The following RDX variants were observed in gnomAD, a reference collection of about 807,000 sequenced individuals.
The protein encoded by RDX is radixin.
Under a neutral mutation model 83.7 loss-of-function variants are expected in RDX, and 32 were observed. The observed-to-expected ratio is 0.38, with a 90% CI of 0.29 to 0.51. The LOEUF (loss-of-function observed/expected upper bound fraction) is 0.51, where lower values mean the gene tolerates loss of function less well. RDX is among the 20% of genes least tolerant of loss of function. The probability of loss-of-function intolerance (pLI) is 0.87; values close to 1 mark genes in which losing one functional copy is unlikely to be tolerated. For missense variants in RDX, 600 were observed against 689.9 expected (o/e 0.87, Z 1.46); for synonymous variants, 229 against 222.7 (o/e 1.03, Z -0.25).
At chr11:110,224,384 T>C (rs1565300569) in intron 14 of RDX, among the ~76,000 whole-genome samples, 1 of 152,176 alleles carries the variant, frequency 6.6e-6, no homozygotes, top group Non-Finnish European at 1.5e-5. Context: ...AATTCAAACA[T>C]ACACAGATAT....
intron 1 of RDX, among the ~76,000 whole-genome samples, chr11:110,293,654 T>C (rs558283569): frequency 5.1e-4 from 78 of 152,288 alleles, no homozygotes; most frequent in African/African-American, 1.9e-3. Context: ...CCAGCTCCAC[T>C]GAATCTTGTA....
At chr11:110,198,576 C>T (rs1187170424) in intron 15 of RDX, among the ~76,000 whole-genome samples, 4 of 152,158 alleles carry the variant, frequency 2.6e-5, no homozygotes, top group African/African-American at 9.7e-5. Context: ...AAGGAGCGAA[C>T]CCTATTGTGA....
chr11:110,278,220 G>C (rs1211459234), intron 2 of RDX, among the ~76,000 whole-genome samples: 2 of 135,336 alleles, frequency 1.5e-5, no homozygotes, highest in African/African-American at 5.7e-5. Context: ...ATCCAGGAGT[G>C]TAAGTTTTCT....
chr11:110,193,375 G>C (rs1441977714), intron 15 of RDX, among the ~76,000 whole-genome samples: 2 of 152,138 alleles, frequency 1.3e-5, no homozygotes, highest in Non-Finnish European at 2.9e-5. Flanking sequence ...AGAGACGGGA[G>C]AGAGGGTTGG....
chr11:110,217,750 AGG>A (rs994811249), intron 14 of RDX, among the ~76,000 whole-genome samples: 1 of 152,158 alleles, frequency 6.6e-6, no homozygotes, highest in Non-Finnish European at 1.5e-5. Context: ...GGCAAGGGGT[AGG>A]GAGATGGTAC....
chr11:110,233,796 T>G (rs1591133567), intron 12 of RDX, among the ~76,000 whole-genome samples: 1 of 152,232 alleles, frequency 6.6e-6, no homozygotes, highest in East Asian at 1.9e-4. Flanking sequence ...GTGCAAATAG[T>G]TGATGAGAAA....
chr11:110,187,263 G>A (rs557882972), intron 15 of RDX, among the ~76,000 whole-genome samples: 9 of 152,128 alleles, frequency 5.9e-5, no homozygotes, highest in Non-Finnish European at 8.8e-5. Context: ...TTGGTGTAGC[G>A]GGGCCCTCTT....
At chr11:110,237,809 G>A in intron 10 of RDX, 157 bp from the exon 11 acceptor site, 3 of 847,066 alleles carry the variant, frequency 3.5e-6, no homozygotes, top group Non-Finnish European at 5.9e-6. Flanking sequence ...TTGAGACAGG[G>A]TCTCGCTCTG....
chr11:110,236,283 TTA>T (rs1197152360), intron 11 of RDX, 92 bp from the exon 12 acceptor site: 3 of 930,330 alleles, frequency 3.2e-6, no homozygotes, highest in East Asian at 2.7e-5. Flanking sequence ...CTTAGGCTGT[TTA>T]TGTTTTTCTT....
At chr11:110,249,546 C>G (rs762378152) in intron 9 of RDX, among the ~76,000 whole-genome samples, 1 of 152,080 alleles carries the variant, frequency 6.6e-6, no homozygotes, top group East Asian at 1.9e-4. Flanking sequence ...TAAAACATAA[C>G]GGGTCACCAC....
chr11:110,293,531 C>T (rs150217265), intron 1 of RDX, among the ~76,000 whole-genome samples: 51 of 152,260 alleles, frequency 3.3e-4, no homozygotes, highest in African/African-American at 1.1e-3. Flanking sequence ...CAAAGCAGTA[C>T]GCACACCCTG....
intron 1 of RDX, among the ~76,000 whole-genome samples, chr11:110,293,990 A>G (rs566208991): frequency 6.6e-6 from 1 of 152,244 alleles, no homozygotes; most frequent in Non-Finnish European, 1.5e-5. Context: ...ATTTCAGACT[A>G]TTATATCAGA....
intron 3 of RDX, among the ~76,000 whole-genome samples, chr11:110,269,162 G>T (rs1860190066): frequency 6.6e-6 from 1 of 151,832 alleles, no homozygotes; most frequent in East Asian, 1.9e-4. Flanking sequence ...ATATTGGACA[G>T]GAAAAGGTAC....
intron 1 of RDX, among the ~76,000 whole-genome samples, chr11:110,288,092 A>G (rs1225443717): frequency 6.6e-6 from 1 of 152,220 alleles, no homozygotes; most frequent in African/African-American, 2.4e-5. Context: ...TAAGGGTGAG[A>G]GGCAGTTTTA....
intron 14 of RDX, among the ~76,000 whole-genome samples, chr11:110,219,299 G>A (rs1024732905): frequency 6.6e-6 from 1 of 152,164 alleles, no homozygotes; most frequent in Non-Finnish European, 1.5e-5. Context: ...CAAGAGAAGA[G>A]GAAATCAGCA....
chr11:110,205,503 T>C (rs1490456309), intron 14 of RDX, among the ~76,000 whole-genome samples: 1 of 146,030 alleles, frequency 6.8e-6, no homozygotes, highest in Non-Finnish European at 1.5e-5. Context: ...GAAATCTCTC[T>C]AAAACATTTA....
At chr11:110,206,856 A>C (rs1591510984) in intron 14 of RDX, among the ~76,000 whole-genome samples, 1 of 152,252 alleles carries the variant, frequency 6.6e-6, no homozygotes, top group South Asian at 2.1e-4. Context: ...TGAGTAAAAG[A>C]AGCAACTGTG....
rs190273164 is a variant in RDX at position 110,295,825 on chromosome 11, C to T, written c.-65+642G>A. On this transcript the variant is annotated intron_variant, in intron 1 of 13. Transcript: ENST00000645495. ...TACAGGGCTCCGAGAGCTGCAACAGCAGCAGGTAGAGCTGCGGCCGGGAAC... is the reference window on the plus strand; with the variant it reads ...TACAGGGCTCCGAGAGCTGCAACAGTAGCAGGTAGAGCTGCGGCCGGGAAC... Among the ~76,000 whole-genome samples the T allele has an allele frequency of 4.4e-3, 673 of 152,330 alleles. 16 individuals carry two copies. The highest frequency in any genetic ancestry group is 0.042 in the Admixed American group (640 of 15,304).
In RDX at chr11:110,230,584, A is replaced by ACACACG. The variant is rs201146451; in HGVS notation, c.*1284_*1285insCGTGTG. The ACACACG allele has an allele frequency of 1.0e-4, 6 of 57,258 alleles. No homozygotes were observed. The highest frequency in any genetic ancestry group is 4.2e-5 in the Non-Finnish European group (1 of 23,788). The allele number at this position is 57,258 out of a possible 1,614,324, so 3.5% of individuals were successfully genotyped here. On this transcript the variant is annotated 3_prime_UTR_variant, in exon 14 of 14. Transcript: ENST00000645495. ...TCTCTCATACACACACAGAGTACACACACACACACACACACACACACACAC... is the reference window on the plus strand; with the variant it reads ...TCTCTCATACACACACAGAGTACACACACACGCACACACACACACACACACACACAC...
Sources: gnomAD v4.1 joint callset for allele counts (sites outside exome capture counted in the v4.1 genomes callset) on GRCh38, gnomAD v4.1.1 for gene constraint, MANE v1.5 for transcripts, NCBI Gene and HGNC (gene_info 2026-07-23, HGNC 2026-07-21) for gene names.